Variants in TTC13 observed in about 807,000 individuals in gnomAD.
The protein encoded by TTC13 is tetratricopeptide repeat protein 13.
Under a neutral mutation model 120.0 loss-of-function variants are expected in TTC13, and 62 were observed. That is an observed-to-expected ratio of 0.52 (90% CI 0.42 to 0.64). The LOEUF is 0.64. TTC13 is among the 30% of genes least tolerant of loss of function. TTC13 has a pLI of 0.00. For missense variants in TTC13, 824 were observed against 1,050.2 expected, an observed-to-expected ratio of 0.78 and a Z score of 2.98; for synonymous variants, 384 against 393.5, an observed-to-expected ratio of 0.98 and a Z score of 0.28.
At chr1:230,915,695 T>A (rs1671948153) in intron 18 of TTC13, among the ~76,000 whole-genome samples, 1 of 152,162 alleles carries the variant, frequency 6.6e-6, no homozygotes, top group Non-Finnish European at 1.5e-5. Flanking sequence ...TAACTTGATT[T>A]TTATTTTGTT....
intron 18 of TTC13, 86 bp from the exon 19 acceptor site, chr1:230,912,844 C>A: frequency 8.2e-7 from 1 of 1,212,424 alleles, no homozygotes; most frequent in Non-Finnish European, 1.2e-6. Flanking sequence ...AAGCAAATAG[C>A]ATACTGACGT....
chr1:230,965,164 G>A (rs1677016858), intron 1 of TTC13, among the ~76,000 whole-genome samples: 2 of 152,198 alleles, frequency 1.3e-5, no homozygotes, highest in Middle Eastern at 3.4e-3. Context: ...CACAGCAAAA[G>A]ATACAAGCAA....
intron 22 of TTC13, among the ~76,000 whole-genome samples, 171 bp from the exon 23 acceptor site, chr1:230,907,190 C>T (rs555656789): frequency 3.3e-5 from 5 of 152,320 alleles, no homozygotes; most frequent in East Asian, 1.9e-4. Flanking sequence ...CTCACAACAA[C>T]GGCCTGCGGC....
At chr1:230,912,484 A>C (rs1364565235) in intron 19 of TTC13, 139 bp downstream of exon 19, 1 of 971,334 alleles carries the variant, frequency 1.0e-6, no homozygotes, top group African/African-American at 1.7e-5. Flanking sequence ...TTTGCCTATA[A>C]GAAATAAGAA....
intron 1 of TTC13, among the ~76,000 whole-genome samples, chr1:230,961,689 A>G (rs1418647060): frequency 1.3e-5 from 2 of 152,202 alleles, no homozygotes; most frequent in Admixed American, 6.5e-5. Flanking sequence ...CAAATGAGCA[A>G]AGCCAGTGAG....
chr1:230,928,388 T>A (rs1673234250), intron 12 of TTC13, among the ~76,000 whole-genome samples: 2 of 152,194 alleles, frequency 1.3e-5, no homozygotes, highest in Admixed American at 6.5e-5. Flanking sequence ...ATAAATGATA[T>A]TTTTGTTGCT....
chr1:230,961,373 A>T, intron 1 of TTC13, 70 bp from the exon 2 acceptor site: 1 of 1,158,590 alleles, frequency 8.6e-7, no homozygotes, highest in Non-Finnish European at 1.3e-6. Flanking sequence ...ACTATGAATT[A>T]GAATTTTTAG....
At chr1:230,952,527 A>C (rs1231804550) in intron 4 of TTC13, among the ~76,000 whole-genome samples, 1 of 152,228 alleles carries the variant, frequency 6.6e-6, no homozygotes, top group African/African-American at 2.4e-5. Context: ...TCTCAAAGAC[A>C]GATTTCCCAG....
intron 1 of TTC13, among the ~76,000 whole-genome samples, chr1:230,969,356 T>C (rs777117505): frequency 2.0e-5 from 3 of 152,168 alleles, no homozygotes. Context: ...ATTTAAGAGA[T>C]AGTGGGAGAA....
chr1:230,936,924 GA>G (rs1014050053), intron 8 of TTC13, among the ~76,000 whole-genome samples: 1 of 152,124 alleles, frequency 6.6e-6, no homozygotes, highest in African/African-American at 2.4e-5. Context: ...ATACCTCATG[GA>G]GATGCCGTTG....
chr1:230,948,013 T>C (rs1675173167), intron 4 of TTC13, among the ~76,000 whole-genome samples: 1 of 152,140 alleles, frequency 6.6e-6, no homozygotes, highest in South Asian at 2.1e-4. Context: ...TAGGATACTG[T>C]GATCACCTTA....
intron 8 of TTC13, among the ~76,000 whole-genome samples, chr1:230,938,675 G>A (rs1250588037): frequency 6.6e-6 from 1 of 152,130 alleles, no homozygotes; most frequent in East Asian, 1.9e-4. Flanking sequence ...CCCAACCAAT[G>A]TCACCTAGTC....
chr1:230,922,070 C>T (rs908141427), intron 15 of TTC13, among the ~76,000 whole-genome samples: 9 of 152,182 alleles, frequency 5.9e-5, no homozygotes, highest in African/African-American at 2.2e-4. Context: ...TCCCACCAGG[C>T]ATCTCAAACC....
rs1671188393 is a variant in TTC13 at position 230,908,706 on chromosome 1, A to G, written c.2468+6T>C. Reference sequence around the variant, plus strand: ...ACCCTTGTGTGGACCCCCCTCAAGTAGTTACCTTTTCAAGTTCATCCAGCT... The same window carrying G: ...ACCCTTGTGTGGACCCCCCTCAAGTGGTTACCTTTTCAAGTTCATCCAGCT... On this transcript the variant is annotated splice_donor_region_variant and intron_variant, in intron 22 of 22. Coordinates refer to ENST00000366661, the MANE Select transcript of TTC13 (RefSeq NM_024525.5). The G allele has an allele frequency of 1.9e-6, 3 of 1,612,502 alleles. No homozygotes were observed. The highest frequency in any genetic ancestry group is 1.7e-6 in the Non-Finnish European group (2 of 1,178,610).
chr1:230,978,576 G>T lies in TTC13; in HGVS notation c.255C>A (p.Tyr85Ter). ...CCCACTCACCGCCGCACTCGGCAGA[G>T]TACTGGTCCCCCCAGTCCCCGGACT... ...SPQSGDWGDQ[Y>*]SAECGESSFL... The change falls in exon 1 of 23, where the codon TAC becomes TAA. Residue 85 changes from tyrosine (Y) to a stop codon, truncating the protein, a stop_gained. Transcript: ENST00000366661. LOFTEE classifies it high-confidence loss of function. The surrounding 1 kb of genome is among the most constrained non-coding windows in gnomAD (Gnocchi z 5.6). 1 of 1,301,080 alleles carries T rather than the reference G, an allele frequency of 7.7e-7. No homozygotes were observed. The highest frequency in any genetic ancestry group is 1.0e-6 in the Non-Finnish European group (1 of 975,028). 80.6% of individuals were successfully genotyped at this position (1,301,080 alleles called of 1,614,324 possible).
In TTC13 at chr1:230,915,797, C is replaced by CTA. The variant is rs1283252692; in HGVS notation, c.2093+394_2093+395dup. On this transcript the variant is annotated intron_variant, in intron 18 of 22. Coordinates refer to ENST00000366661, the MANE Select transcript of TTC13 (RefSeq NM_024525.5). ...CTGTTTTCTCTCTCTCTCTCTCTCT[C>CTA]TATATATATATAGATTGGCTTTTAT... Among the ~76,000 whole-genome samples, 48 of 149,264 alleles carry CTA rather than the reference C, an allele frequency of 3.2e-4. No individual in the cohort carries two copies. The South Asian group carries it at 3.8e-3, about 12-fold the overall frequency.
chr1:230,919,488 G>A (rs1199139361), intron 17 of TTC13, among the ~76,000 whole-genome samples: 1 of 152,122 alleles, frequency 6.6e-6, no homozygotes, highest in African/African-American at 2.4e-5. Flanking sequence ...TGTGCACTGA[G>A]GATTCCATTT....
chr1:230,937,448 G>A (rs1397357224), intron 8 of TTC13, among the ~76,000 whole-genome samples: 1 of 152,128 alleles, frequency 6.6e-6, no homozygotes, highest in Non-Finnish European at 1.5e-5. Context: ...AAAATTTAAG[G>A]TGACTGTCAG....
intron 11 of TTC13, among the ~76,000 whole-genome samples, chr1:230,930,646 G>A (rs763082139): frequency 4.6e-5 from 7 of 152,184 alleles, no homozygotes; most frequent in Admixed American, 2.6e-4. Flanking sequence ...CCAGCTGGGC[G>A]TGGTGGCTCA....
Sources: allele counts gnomAD v4.1 joint callset (sites outside exome capture counted in the v4.1 genomes callset), GRCh38; gene constraint gnomAD v4.1.1; non-coding constraint Gnocchi (gnomAD v3.1); transcripts MANE v1.5; gene names NCBI Gene and HGNC (gene_info 2026-07-23, HGNC 2026-07-21).